The following CFAP54 variants were observed in gnomAD, a reference collection of about 807,000 sequenced individuals.
CFAP54 encodes the protein cilia and flagella associated protein 54, also known as cilia- and flagella-associated protein 54.
In CFAP54, 290 loss-of-function variants were observed where a neutral mutation model predicts 370.4. That is an observed-to-expected ratio of 0.78 (90% confidence interval 0.71 to 0.86). The LOEUF (loss-of-function observed/expected upper bound fraction) is 0.86, where lower values mean the gene tolerates loss of function less well. Among genes scored for constraint, CFAP54 ranks in the 40% least tolerant of loss-of-function variants. CFAP54 has a pLI of 0.00. For synonymous variants in CFAP54, 1,206 were observed against 1,236.5 expected (o/e 0.98, Z 0.52); for missense variants, 3,399 against 3,528.7 (o/e 0.96, Z 0.93).
At chr12:96,755,720 T>C (rs1328778551) in intron 56 of CFAP54, among the ~76,000 whole-genome samples, 1 of 148,196 alleles carries the variant, frequency 6.7e-6, no homozygotes, top group African/African-American at 2.5e-5. Context: ...CAGGCTGGAG[T>C]GCAGTGGTGT....
At chr12:96,519,670 A>G (rs770425482) in intron 6 of CFAP54, among the ~76,000 whole-genome samples, 22 of 152,228 alleles carry the variant, frequency 1.4e-4, no homozygotes, top group Non-Finnish European at 3.2e-4. Flanking sequence ...ATGACAAATA[A>G]TAATTGTATA....
chr12:96,515,912 G>GTT (rs71437221), intron 5 of CFAP54, among the ~76,000 whole-genome samples: 4,164 of 108,164 alleles, frequency 0.038, 370 homozygotes, highest in African/African-American at 0.086. Context: ...TTACCTCTAT[G>GTT]TTTTTTTTTT....
At chr12:96,837,472 T>G (rs766314218) in intron 66 of CFAP54, among the ~76,000 whole-genome samples, 8 of 152,232 alleles carry the variant, frequency 5.3e-5, no homozygotes, top group Non-Finnish European at 8.8e-5. Flanking sequence ...ACTTTGTACT[T>G]AATAGTTTTT....
chr12:96,662,304 A>G (rs1957003970), intron 38 of CFAP54, among the ~76,000 whole-genome samples: 1 of 152,138 alleles, frequency 6.6e-6, no homozygotes, highest in Non-Finnish European at 1.5e-5. Context: ...TCCTAGGTTG[A>G]AGCGATTTTC....
At chr12:96,820,332 C>G (rs1215710347) in intron 65 of CFAP54, among the ~76,000 whole-genome samples, 1 of 152,114 alleles carries the variant, frequency 6.6e-6, no homozygotes, top group Non-Finnish European at 1.5e-5. Flanking sequence ...TTGTTTACCT[C>G]ATCTATACAC....
At chr12:96,735,169 C>T (rs923463953) in intron 50 of CFAP54, among the ~76,000 whole-genome samples, 3 of 152,046 alleles carry the variant, frequency 2.0e-5, no homozygotes, top group Admixed American at 6.5e-5. Flanking sequence ...ATGCTCCCCA[C>T]GGAGATAGAA....
chr12:96,586,398 C>T (rs1292585290), intron 22 of CFAP54, among the ~76,000 whole-genome samples: 1 of 151,858 alleles, frequency 6.6e-6, no homozygotes. Flanking sequence ...ATAATGAATG[C>T]TATGGAAAAA....
intron 60 of CFAP54, among the ~76,000 whole-genome samples, chr12:96,778,117 T>C (rs1428878197): frequency 6.6e-6 from 1 of 152,258 alleles, no homozygotes; most frequent in African/African-American, 2.4e-5. Context: ...ACTGAGTCTT[T>C]ATGTTTGCAG....
At chr12:96,788,352 A>G (rs1435291488) in intron 62 of CFAP54, among the ~76,000 whole-genome samples, 1 of 152,228 alleles carries the variant, frequency 6.6e-6, no homozygotes, top group African/African-American at 2.4e-5. Flanking sequence ...AGAAAACTCA[A>G]GTGGACATAG....
At chr12:96,520,849 G>A (rs982417604) in intron 6 of CFAP54, among the ~76,000 whole-genome samples, 13 of 152,170 alleles carry the variant, frequency 8.5e-5, no homozygotes, top group Non-Finnish European at 8.8e-5. Context: ...AAATCATCTG[G>A]CCAATTCACA....
intron 67 of CFAP54, among the ~76,000 whole-genome samples, chr12:96,870,558 A>G (rs1960131710): frequency 6.6e-6 from 1 of 152,232 alleles, no homozygotes; most frequent in South Asian, 2.1e-4. Context: ...TGTCCAACAC[A>G]TACTGGATGC....
intron 63 of CFAP54, among the ~76,000 whole-genome samples, chr12:96,801,559 C>T (rs946014881): frequency 3.5e-4 from 53 of 152,172 alleles, no homozygotes; most frequent in Non-Finnish European, 1.6e-4. Context: ...GATGTAACCA[C>T]GGCTAAAGGT....
At chr12:96,794,396 A>G (rs1958735237) in intron 63 of CFAP54, among the ~76,000 whole-genome samples, 1 of 151,214 alleles carries the variant, frequency 6.6e-6, no homozygotes, top group African/African-American at 2.4e-5. Context: ...TTAGTTGTTT[A>G]ACATAATCCC....
chr12:96,641,949 G>C (rs1956735263), intron 32 of CFAP54, among the ~76,000 whole-genome samples: 1 of 150,172 alleles, frequency 6.7e-6, no homozygotes, highest in African/African-American at 2.5e-5. Flanking sequence ...GGGGGGGGAG[G>C]GATAGCATTA....
chr12:96,606,923 T>A (rs529341924), intron 26 of CFAP54, among the ~76,000 whole-genome samples: 122 of 152,314 alleles, frequency 8.0e-4, no homozygotes, highest in African/African-American at 2.8e-3. Flanking sequence ...TTTATGTGGT[T>A]CTCATAGGAC....
At chr12:96,677,363 T>A (rs567621684) in intron 39 of CFAP54, among the ~76,000 whole-genome samples, 2 of 152,344 alleles carry the variant, frequency 1.3e-5, no homozygotes, top group East Asian at 3.9e-4. Flanking sequence ...TAATTTCTCA[T>A]AGCAGTTTCA....
intron 63 of CFAP54, among the ~76,000 whole-genome samples, chr12:96,804,656 G>T (rs542437073): frequency 0.011 from 1,637 of 152,060 alleles, 29 homozygotes; most frequent in African/African-American, 0.035. Context: ...TTCATGGTTT[G>T]CGAGCATCAA....
Position 96,649,951 on chromosome 12 carries a change from CACAA to C in CFAP54, c.4755_4758del (p.Thr1586PhefsTer23), listed in dbSNP as rs1246585689. 1.9e-6 allele frequency: 3 copies of C among 1,612,272 alleles called. No homozygotes were observed. Among genetic ancestry groups the C allele is most frequent in the South Asian group, 1.1e-5 (1 of 90,732 alleles). ...ATGAGTGATGAAAATATGTCCAAGA[CACAA>C]ACAGTTTATGACTCAGACTCTCAAT... On this transcript the variant is annotated frameshift_variant, in exon 35 of 68. Coordinates refer to ENST00000524981, the MANE Select transcript of CFAP54 (RefSeq NM_001306084.2). LOFTEE classifies it high-confidence loss of function.
intron 58 of CFAP54, among the ~76,000 whole-genome samples, chr12:96,763,585 C>T (rs150211802): frequency 1.1e-4 from 16 of 152,142 alleles, no homozygotes; most frequent in African/African-American, 3.9e-4. Flanking sequence ...TCAAGACCAG[C>T]CTGGGCAACA....
Sources: gnomAD v4.1 joint callset for allele counts (sites outside exome capture counted in the v4.1 genomes callset) on GRCh38, gnomAD v4.1.1 for gene constraint, MANE v1.5 for transcripts, NCBI Gene and HGNC (gene_info 2026-07-23, HGNC 2026-07-21) for gene names.